The following TMEM181 variants were observed in gnomAD, a reference collection of about 807,000 sequenced individuals.
TMEM181 encodes the protein transmembrane protein 181.
TMEM181 carries 39 observed loss-of-function variants against 71.9 expected under a neutral mutation model. The observed-to-expected ratio is 0.54, with a 90% CI of 0.42 to 0.71. The LOEUF is 0.71. Ranked by LOEUF, TMEM181 falls within the 30% of genes least tolerant of loss-of-function variation. The probability of loss-of-function intolerance (pLI) is 0.00; values close to 1 mark genes in which losing one functional copy is unlikely to be tolerated. For missense variants in TMEM181, 595 were observed against 583.0 expected, an observed-to-expected ratio of 1.02 and a Z score of -0.21; for synonymous variants, 245 against 228.8, an observed-to-expected ratio of 1.07 and a Z score of -0.64.
intron 10 of TMEM181, among the ~76,000 whole-genome samples, chr6:158,613,760 TATATTG>T (rs1785458530): frequency 6.6e-6 from 1 of 152,236 alleles, no homozygotes; most frequent in Non-Finnish European, 1.5e-5. Flanking sequence ...TGCACACAAC[TATATTG>T]TTGTGGTTTA....
intron 1 of TMEM181, among the ~76,000 whole-genome samples, chr6:158,542,054 C>A (rs375224317): frequency 8.6e-5 from 13 of 151,882 alleles, no homozygotes; most frequent in Non-Finnish European, 1.8e-4. Context: ...TACAGGCATG[C>A]GCCACTATGC....
intron 7 of TMEM181, 74 bp from the exon 8 acceptor site, chr6:158,607,170 C>CGTCAAGGTGTGAGCAAAGGCTGCA: frequency 8.1e-7 from 1 of 1,238,340 alleles, no homozygotes; most frequent in Non-Finnish European, 1.2e-6. Flanking sequence ...CCTGGTATGC[C>CGTCAAGGTGTGAGCAAAGGCTGCA]GGCAAGGTGT....
chr6:158,627,773 A>C (rs938437733), intron 13 of TMEM181, among the ~76,000 whole-genome samples: 4 of 150,702 alleles, frequency 2.7e-5, no homozygotes, highest in Non-Finnish European at 5.9e-5. Flanking sequence ...GAGGGTCTTG[A>C]GCTGGGAGGT....
At chr6:158,555,307 T>A (rs1202977456), upstream of TMEM181, among the ~76,000 whole-genome samples, 1 of 152,220 alleles carries the variant, frequency 6.6e-6, no homozygotes, top group Non-Finnish European at 1.5e-5. Context: ...TTTATGAAGA[T>A]TTATCTAATT....
chr6:158,588,119 C>T (rs1783888233), intron 5 of TMEM181, among the ~76,000 whole-genome samples: 1 of 152,216 alleles, frequency 6.6e-6, no homozygotes, highest in African/African-American at 2.4e-5. Flanking sequence ...GAAGCCTTGG[C>T]TTCCCTTTCC....
At chr6:158,570,739 G>A (rs148055455) in intron 1 of TMEM181, among the ~76,000 whole-genome samples, 12 of 152,030 alleles carry the variant, frequency 7.9e-5, no homozygotes, top group East Asian at 1.9e-4. Context: ...ATAACCTGGC[G>A]CATTTATCAA....
intron 6 of TMEM181, among the ~76,000 whole-genome samples, chr6:158,598,527 T>TA (rs1442935481): frequency 6.6e-6 from 1 of 152,122 alleles, no homozygotes; most frequent in Non-Finnish European, 1.5e-5. Context: ...GACCTGTGCT[T>TA]ACTGTACTTT....
upstream of TMEM181, chr6:158,560,028 G>C: frequency 2.0e-6 from 2 of 984,828 alleles, no homozygotes; most frequent in Non-Finnish European, 2.4e-6. Flanking sequence ...CTTCCACCGC[G>C]CCGCGCCCTC....
At chr6:158,572,636 G>A (rs1284861392) in intron 1 of TMEM181, among the ~76,000 whole-genome samples, 2 of 152,142 alleles carry the variant, frequency 1.3e-5, no homozygotes, top group Non-Finnish European at 2.9e-5. Context: ...GTACTACCTG[G>A]GCCTTTACAG....
rs114827543 is a variant in TMEM181 at position 158,563,749 on chromosome 6, C to T, written c.8+3517C>T. Among the ~76,000 whole-genome samples, 1,219 of 152,298 alleles carry T rather than the reference C, an allele frequency of 8.0e-3. 27 individuals are homozygous for T. The highest frequency in any genetic ancestry group is 0.028 in the African/African-American group (1,159 of 41,562). On this transcript the variant is annotated intron_variant, in intron 1 of 16. Coordinates refer to ENST00000684151, the MANE Select transcript of TMEM181 (RefSeq NM_001376852.1). ...TCACCAGTCCTTGGGTAGCTTAGAC[C>T]ATTGTTTATTAAATTGTGTTTTGAG...
rs531712665 is a variant in TMEM181 at position 158,631,871 on chromosome 6, G to A, written c.1411G>A (p.Glu471Lys). 24 of 1,594,444 alleles carry A rather than the reference G, an allele frequency of 1.5e-5. No homozygotes were observed. In the East Asian group the frequency reaches 5.2e-4, roughly 35 times the overall value. The change falls in exon 17 of 17, where the codon GAG becomes AAG. Residue 471 changes from glutamate to lysine, a missense_variant. Physicochemically the swap from Glu to Lys is moderately conservative, Grantham distance 56. Coordinates refer to ENST00000684151, the MANE Select transcript of TMEM181 (RefSeq NM_001376852.1). Reference sequence around the variant, plus strand: ...GGCCATCCGGGCCAAGTACAAGGAGGAGTCAGATAGTGACTGAGCCCCGGC... The same window carrying A: ...GGCCATCCGGGCCAAGTACAAGGAGAAGTCAGATAGTGACTGAGCCCCGGC... ...GQAIRAKYKEESDSD is the reference protein window; with the variant it reads ...GQAIRAKYKEKSDSD
At chr6:158,625,370 C>G (rs1454781930) in intron 12 of TMEM181, among the ~76,000 whole-genome samples, 164 bp downstream of exon 12, 2 of 152,178 alleles carry the variant, frequency 1.3e-5, no homozygotes, top group Non-Finnish European at 2.9e-5. Flanking sequence ...GGAGCCACAA[C>G]AGGCCTTACA....
At chr6:158,550,649 C>T (rs1217477511) in intron 1 of TMEM181, among the ~76,000 whole-genome samples, 3 of 150,884 alleles carry the variant, frequency 2.0e-5, no homozygotes, top group South Asian at 2.1e-4. Context: ...AGTGAGACTC[C>T]GTCTCAAAAA....
At chr6:158,586,674 G>A (rs755986736) in intron 5 of TMEM181, among the ~76,000 whole-genome samples, 12 of 152,138 alleles carry the variant, frequency 7.9e-5, no homozygotes, top group East Asian at 1.9e-4. Flanking sequence ...AGGGCTAGGC[G>A]CAGTGGCTCA....
In TMEM181 at chr6:158,560,114, C is replaced by T. The variant is rs1353594237; in HGVS notation, c.-111C>T. The T allele has an allele frequency of 1.1e-5, 11 of 984,890 alleles. No homozygotes were observed. Among genetic ancestry groups the T allele is most frequent in the Non-Finnish European group, 1.3e-5 (11 of 829,796 alleles). 61.0% of individuals were successfully genotyped at this position (984,890 alleles called of 1,614,324 possible). On this transcript the variant is annotated 5_prime_UTR_variant, in exon 1 of 17. Coordinates refer to ENST00000684151, the MANE Select transcript of TMEM181 (RefSeq NM_001376852.1). ...ATGAGTTTTCCGCGGCCGGCCGCTG[C>T]TCAGCCGCTGTCGCTCCGGCTCCGG...
chr6:158,583,522 C>T (rs1167434392), intron 3 of TMEM181, among the ~76,000 whole-genome samples: 2 of 152,152 alleles, frequency 1.3e-5, no homozygotes, highest in Non-Finnish European at 2.9e-5. Flanking sequence ...AACCTCATGG[C>T]CGGGCGCAGT....
Position 158,634,359 on chromosome 6 carries a change from T to C in TMEM181, c.*2471T>C, listed in dbSNP as rs964471577. ...AAAGTCTGCCAGAAACTTTTGACAG[T>C]AGCAAGAAAATTGTTGAAGAAAAAA... is the stretch of plus-strand genomic sequence containing the variant. On this transcript the variant is annotated 3_prime_UTR_variant, in exon 17 of 17. Transcript: ENST00000684151. The C allele has an allele frequency of 6.6e-6, 1 of 152,198 alleles. No individual in the cohort carries two copies. The highest frequency in any genetic ancestry group is 2.1e-4 in the South Asian group (1 of 4,832). The allele number at this position is 152,198 out of a possible 1,614,324, so 9.4% of individuals were successfully genotyped here.
intron 1 of TMEM181, among the ~76,000 whole-genome samples, chr6:158,542,070 T>G (rs1781373957): frequency 6.6e-6 from 1 of 152,022 alleles, no homozygotes; most frequent in Non-Finnish European, 1.5e-5. Context: ...TATGCGTGGC[T>G]AATTTTTGTT....
At chr6:158,600,458 A>ATTTTTTTTTTTTTTTTTTTTTT (rs61457107) in intron 6 of TMEM181, among the ~76,000 whole-genome samples, 1 of 91,854 alleles carries the variant, frequency 1.1e-5, no homozygotes, top group Non-Finnish European at 2.2e-5. Flanking sequence ...CCTAGGGTTA[A>ATTTTTTTTTTTTTTTTTTTTTT]TTTTTTTTTT....
Sources: gnomAD v4.1 joint callset for allele counts (sites outside exome capture counted in the v4.1 genomes callset) on GRCh38, gnomAD v4.1.1 for gene constraint, MANE v1.5 for transcripts, NCBI Gene and HGNC (gene_info 2026-07-23, HGNC 2026-07-21) for gene names.